Variants in INPP5F observed in about 807,000 individuals in gnomAD.
The protein encoded by INPP5F is inositol polyphosphate-5-phosphatase F.
INPP5F carries 97 observed loss-of-function variants against 137.2 expected under a neutral mutation model. The ratio of observed to expected loss-of-function variants is 0.71; its 90% CI spans 0.60 to 0.84. The LOEUF (loss-of-function observed/expected upper bound fraction) is 0.84, where lower values mean the gene tolerates loss of function less well. INPP5F is among the 40% of genes least tolerant of loss of function. INPP5F has a pLI of 0.00. For missense variants in INPP5F, 1,271 were observed against 1,371.9 expected (o/e 0.93, Z 1.16); for synonymous variants, 504 against 476.9 (o/e 1.06, Z -0.74).
intron 1 of INPP5F, among the ~76,000 whole-genome samples, chr10:119,737,112 A>G (rs932146393): frequency 3.3e-5 from 5 of 152,058 alleles, no homozygotes; most frequent in Non-Finnish European, 7.4e-5. Flanking sequence ...TACAGACATG[A>G]GCCACTGTGC....
chr10:119,822,928 T>C, intron 17 of INPP5F, 143 bp from the exon 18 acceptor site: 2 of 756,842 alleles, frequency 2.6e-6, no homozygotes, highest in Non-Finnish European at 4.1e-6. Flanking sequence ...TCTAGCCTTA[T>C]CAAACCAAAT....
intron 1 of INPP5F, among the ~76,000 whole-genome samples, chr10:119,733,964 A>G (rs1202839141): frequency 1.3e-5 from 2 of 152,208 alleles, no homozygotes; most frequent in East Asian, 3.8e-4. Flanking sequence ...TCTACCTTCT[A>G]TAGTTTAAGC....
At chr10:119,795,111 G>A (rs562138626) in intron 6 of INPP5F, among the ~76,000 whole-genome samples, 8 of 139,358 alleles carry the variant, frequency 5.7e-5, no homozygotes, top group South Asian at 2.4e-4. Flanking sequence ...CGGACGGGGC[G>A]GCTGGCCGGG....
At chr10:119,742,356 C>T (rs1180735544) in intron 1 of INPP5F, among the ~76,000 whole-genome samples, 2 of 151,900 alleles carry the variant, frequency 1.3e-5, no homozygotes, top group South Asian at 2.1e-4. Flanking sequence ...CAGGGTTTCA[C>T]CATCTTGGCC....
intron 2 of INPP5F, among the ~76,000 whole-genome samples, chr10:119,774,871 A>G (rs1849472895): frequency 6.6e-6 from 1 of 152,122 alleles, no homozygotes; most frequent in Admixed American, 6.6e-5. Context: ...AACCTTTTAT[A>G]TTACATCTAG....
rs1376422261 is a variant in INPP5F, at chr10:119,750,781, G to T, written c.98-295G>T. Among the ~76,000 whole-genome samples, 3 of 152,162 alleles carry T rather than the reference G, an allele frequency of 2.0e-5. No individual in the cohort carries two copies. In the East Asian group the frequency reaches 5.8e-4, roughly 29 times the overall value. ...GCTCCTCCGTTTGTCCTCTTGTAGT[G>T]TAATGGCCCTGTTCCTCCACTGTAG... On this transcript the variant is annotated intron_variant, in intron 1 of 19. Coordinates refer to ENST00000650623, the MANE Select transcript of INPP5F (RefSeq NM_014937.4).
At chr10:119,821,071 G>A (rs942046553) in intron 16 of INPP5F, among the ~76,000 whole-genome samples, 154 bp downstream of exon 16, 18 of 151,962 alleles carry the variant, frequency 1.2e-4, no homozygotes, top group Non-Finnish European at 2.9e-5. Context: ...TAACTGTTAC[G>A]TCATTCTAAC....
chr10:119,732,298 A>C (rs1848097652), intron 1 of INPP5F, among the ~76,000 whole-genome samples: 1 of 151,776 alleles, frequency 6.6e-6, no homozygotes, highest in African/African-American at 2.4e-5. Context: ...CAGCCTCCCA[A>C]AGTGCTAGGA....
intron 2 of INPP5F, among the ~76,000 whole-genome samples, chr10:119,774,875 C>T (rs1849473035): frequency 6.6e-6 from 1 of 152,036 alleles, no homozygotes; most frequent in African/African-American, 2.4e-5. Flanking sequence ...TTTTATATTA[C>T]ATCTAGAGTC....
chr10:119,804,829 G>C (rs887046635), intron 10 of INPP5F, among the ~76,000 whole-genome samples: 4 of 151,652 alleles, frequency 2.6e-5, no homozygotes, highest in African/African-American at 4.8e-5. Context: ...TGGCTTCAAG[G>C]GATTCTCCTG....
intron 2 of INPP5F, among the ~76,000 whole-genome samples, chr10:119,762,890 A>G (rs1173415700): frequency 6.6e-6 from 1 of 152,172 alleles, no homozygotes; most frequent in African/African-American, 2.4e-5. Flanking sequence ...TATAATCCCA[A>G]CATTCTTAAA....
intron 2 of INPP5F, among the ~76,000 whole-genome samples, chr10:119,763,627 T>C (rs1849069360): frequency 6.6e-6 from 1 of 152,232 alleles, no homozygotes; most frequent in Non-Finnish European, 1.5e-5. Context: ...CACACCCATA[T>C]TACTCTCCTT....
chr10:119,768,293 A>G (rs1229752220), intron 2 of INPP5F: 1 of 152,306 alleles, frequency 6.6e-6, no homozygotes, highest in East Asian at 1.9e-4. Flanking sequence ...GTAGAGGTCT[A>G]AGGTGGATCA....
rs566900341 is a variant in INPP5F, at chr10:119,798,100, G to A, written c.1049-443G>A. On this transcript the variant is annotated intron_variant, in intron 8 of 19. Transcript: ENST00000650623. The stretch of plus-strand genomic sequence containing the variant: ...TTGTTTCTTCTAGTATTTTAACTTT[G>A]GTCTTGGAATAGCTAAGTCATTTAA... Among the ~76,000 whole-genome samples, 5 of 147,674 alleles carry A rather than the reference G, an allele frequency of 3.4e-5. No homozygotes were observed. The South Asian group carries it at 8.6e-4, about 25-fold the overall frequency.
At chr10:119,728,261 A>G (rs1038568533) in intron 1 of INPP5F, among the ~76,000 whole-genome samples, 1 of 152,196 alleles carries the variant, frequency 6.6e-6, no homozygotes, top group Non-Finnish European at 1.5e-5. Context: ...GCCAGTTTTG[A>G]TCTTAAGGTG....
chr10:119,758,941 A>T (rs892689402), intron 2 of INPP5F, among the ~76,000 whole-genome samples: 3 of 152,176 alleles, frequency 2.0e-5, no homozygotes, highest in Non-Finnish European at 4.4e-5. Flanking sequence ...AGTGACATGA[A>T]ATATTTTACA....
chr10:119,811,692 CTT>C (rs1851038395), intron 14 of INPP5F, 63 bp from the exon 15 acceptor site: 2 of 1,317,638 alleles, frequency 1.5e-6, no homozygotes, highest in Non-Finnish European at 2.1e-6. Flanking sequence ...CTTACATTCT[CTT>C]TTGTTTTTTA....
At chr10:119,805,290 A>C in intron 10 of INPP5F, 94 bp from the exon 11 acceptor site, 1 of 889,146 alleles carries the variant, frequency 1.1e-6, no homozygotes, top group Non-Finnish European at 1.8e-6. Flanking sequence ...ATTCTTTTTA[A>C]TTTTTCGAAG....
chr10:119,811,238 G>T (rs1851016288), intron 14 of INPP5F, among the ~76,000 whole-genome samples: 1 of 152,146 alleles, frequency 6.6e-6, no homozygotes, highest in Non-Finnish European at 1.5e-5. Flanking sequence ...TCTCTTTCCT[G>T]TGTAGGGCCA....
Sources: allele counts gnomAD v4.1 joint callset (sites outside exome capture counted in the v4.1 genomes callset), GRCh38; gene constraint gnomAD v4.1.1; transcripts MANE v1.5; gene names NCBI Gene and HGNC (gene_info 2026-07-23, HGNC 2026-07-21).